GALNT13: variants seen among roughly 807,000 people sequenced by gnomAD.
GALNT13 encodes polypeptide N-acetylgalactosaminyltransferase 13, also known as UDP-GalNAc:polypeptide N-acetylgalactosaminyltransferase 13.
A neutral mutation model predicts 64.2 loss-of-function variants in GALNT13; 28 were observed. The observed-to-expected ratio is 0.44, with a 90% CI of 0.32 to 0.60. The LOEUF is 0.60. Among genes scored for constraint, GALNT13 ranks in the 20% least tolerant of loss-of-function variants. The pLI is 0.05. For missense variants in GALNT13, 577 were observed against 669.8 expected (o/e 0.86, Z 1.53); for synonymous variants, 214 against 224.6 (o/e 0.95, Z 0.42).
intron 4 of GALNT13, among the ~76,000 whole-genome samples, chr2:154,236,531 CT>C (rs1456166615): frequency 6.6e-6 from 1 of 152,054 alleles, no homozygotes; most frequent in Non-Finnish European, 1.5e-5. Flanking sequence ...CTTTCACTTC[CT>C]TGCAAGTATT....
chr2:153,229,560 A>G, the GALNT13 span, among the ~76,000 whole-genome samples: 1 of 152,216 alleles, frequency 6.6e-6, no homozygotes, highest in Non-Finnish European at 1.5e-5. Flanking sequence ...GAATGGGCCC[A>G]TACAGGATAC....
chr2:154,020,678 T>C (rs1176927007), intron 3 of GALNT13, among the ~76,000 whole-genome samples: 1 of 151,014 alleles, frequency 6.6e-6, no homozygotes, highest in Non-Finnish European at 1.5e-5. Context: ...GTAGTTTCTT[T>C]TGCTGTGCAG....
At chr2:153,487,072 A>G in the GALNT13 span, among the ~76,000 whole-genome samples, 2 of 152,216 alleles carry the variant, frequency 1.3e-5, no homozygotes. Context: ...TTACTCCAAT[A>G]TTGATTTTAA....
the GALNT13 span, among the ~76,000 whole-genome samples, chr2:153,769,545 A>G: frequency 5.3e-5 from 8 of 152,136 alleles, no homozygotes; most frequent in Non-Finnish European, 1.5e-5. Context: ...TAGTTTGATT[A>G]TCATATGCCT....
intron 3 of GALNT13, among the ~76,000 whole-genome samples, chr2:154,053,038 C>A (rs527797675): frequency 3.9e-5 from 6 of 152,024 alleles, no homozygotes; most frequent in South Asian, 2.1e-4. Context: ...CCGTGCCTGG[C>A]CAGAATTGAC....
chr2:153,763,295 G>A, the GALNT13 span, among the ~76,000 whole-genome samples: 62,257 of 151,916 alleles, frequency 0.41, 14,735 homozygotes, highest in Middle Eastern at 0.55. Flanking sequence ...TAGTCATTCC[G>A]GTAGGTCAGG....
At chr2:154,307,947 G>T (rs1171926805) in intron 9 of GALNT13, among the ~76,000 whole-genome samples, 1 of 152,060 alleles carries the variant, frequency 6.6e-6, no homozygotes. Flanking sequence ...TGATATGCTG[G>T]CTGTTTTATA....
the GALNT13 span, among the ~76,000 whole-genome samples, chr2:153,730,353 ACT>A: frequency 1.3e-5 from 2 of 151,886 alleles, no homozygotes; most frequent in African/African-American, 2.4e-5. Context: ...GAGAAAGGAC[ACT>A]CTATTCAATA....
At chr2:153,075,136 A>G in the GALNT13 span, among the ~76,000 whole-genome samples, 1 of 152,184 alleles carries the variant, frequency 6.6e-6, no homozygotes, top group Non-Finnish European at 1.5e-5. Context: ...TAGTATGACA[A>G]CATTTTCCAG....
At chr2:153,815,880 C>A in the GALNT13 span, among the ~76,000 whole-genome samples, 28 of 152,294 alleles carry the variant, frequency 1.8e-4, no homozygotes, top group Non-Finnish European at 3.5e-4. Context: ...TTCTAATACT[C>A]ACCCAAGGTT....
At chr2:153,682,093 T>A in the GALNT13 span, among the ~76,000 whole-genome samples, 1 of 151,770 alleles carries the variant, frequency 6.6e-6, no homozygotes, top group Non-Finnish European at 1.5e-5. Context: ...CTATGCACCA[T>A]GTGCTATTTG....
At chr2:153,751,527 G>A in the GALNT13 span, among the ~76,000 whole-genome samples, 4 of 151,720 alleles carry the variant, frequency 2.6e-5, no homozygotes, top group Admixed American at 6.6e-5. Context: ...GGGTGCATAT[G>A]TATTAAAAAT....
the GALNT13 span, among the ~76,000 whole-genome samples, chr2:153,143,988 C>T: frequency 6.6e-6 from 1 of 152,014 alleles, no homozygotes; most frequent in Admixed American, 6.6e-5. Context: ...ACTGGAGTTT[C>T]GGTCATCACA....
chr2:153,163,571 T>A, the GALNT13 span, among the ~76,000 whole-genome samples: 1 of 152,064 alleles, frequency 6.6e-6, no homozygotes, highest in African/African-American at 2.4e-5. Flanking sequence ...CACCTTCAAA[T>A]GACCCCGAGA....
At chr2:154,055,486 A>G (rs1699851433) in intron 3 of GALNT13, among the ~76,000 whole-genome samples, 1 of 152,086 alleles carries the variant, frequency 6.6e-6, no homozygotes, top group East Asian at 1.9e-4. Flanking sequence ...CAAATATATA[A>G]TCATTAAAAC....
intron 3 of GALNT13, among the ~76,000 whole-genome samples, chr2:153,977,728 A>G (rs1694176807): frequency 1.3e-5 from 2 of 152,164 alleles, no homozygotes; most frequent in South Asian, 4.1e-4. Flanking sequence ...GTCCCACTCA[A>G]ACCCACTTAA....
chr2:154,260,119 C>T (rs1690614276), intron 8 of GALNT13, among the ~76,000 whole-genome samples: 1 of 151,864 alleles, frequency 6.6e-6, no homozygotes, highest in African/African-American at 2.4e-5. Context: ...TTCCTGAGCT[C>T]AAGCAATCCA....
At chr2:154,107,072 G>A (rs1210738077) in intron 3 of GALNT13, among the ~76,000 whole-genome samples, 1 of 151,860 alleles carries the variant, frequency 6.6e-6, no homozygotes, top group Non-Finnish European at 1.5e-5. Context: ...CTTACCATGT[G>A]ACCTTTGCAC....
chr2:153,595,099 T>C, the GALNT13 span, among the ~76,000 whole-genome samples: 1 of 152,152 alleles, frequency 6.6e-6, no homozygotes, highest in South Asian at 2.1e-4. Flanking sequence ...TATTGTGGCA[T>C]GGAGGGAGTG....
Sources: allele counts gnomAD v4.1 joint callset (sites outside exome capture counted in the v4.1 genomes callset), GRCh38; gene constraint gnomAD v4.1.1; transcripts MANE v1.5; gene names NCBI Gene and HGNC (gene_info 2026-07-23, HGNC 2026-07-21).